Variants in ZNF600 observed in about 807,000 individuals in gnomAD.
ZNF600 encodes the protein zinc finger protein KR-ZNF1.
Under a neutral mutation model 7.3 loss-of-function variants are expected in ZNF600, and 4 were observed. The observed-to-expected ratio is 0.55, with a 90% confidence interval of 0.27 to 1.25. The LOEUF (loss-of-function observed/expected upper bound fraction) is 1.25. Ranked by LOEUF, ZNF600 falls within the 50% of genes most tolerant of loss-of-function variation. The probability of loss-of-function intolerance (pLI) is 0.12; values close to 1 mark genes in which losing one functional copy is unlikely to be tolerated. For synonymous variants in ZNF600, 290 were observed against 308.9 expected, an observed-to-expected ratio of 0.94 and a Z score of 0.64; for missense variants, 911 against 922.1, an observed-to-expected ratio of 0.99 and a Z score of 0.16.
chr19:52,818,991 G>A, the ZNF600 span, among the ~76,000 whole-genome samples: 5 of 143,542 alleles, frequency 3.5e-5, no homozygotes, highest in South Asian at 1.2e-3. Context: ...TCAGATGGGG[G>A]TGGGAGGGCA....
At chr19:52,820,662 C>T in the ZNF600 span, among the ~76,000 whole-genome samples, 1 of 146,460 alleles carries the variant, frequency 6.8e-6, no homozygotes, top group African/African-American at 2.5e-5. Context: ...TCCTCCTCTC[C>T]CTCACTCTGA....
the ZNF600 span, among the ~76,000 whole-genome samples, chr19:52,809,605 A>T: frequency 6.6e-6 from 1 of 152,206 alleles, no homozygotes. Context: ...CAAGAGTTCA[A>T]GACCAGCATG....
chr19:52,817,125 C>A, the ZNF600 span, among the ~76,000 whole-genome samples: 1 of 152,142 alleles, frequency 6.6e-6, no homozygotes, highest in African/African-American at 2.4e-5. Context: ...GTAATCCCAG[C>A]ACTTTAGGAA....
intron 2 of ZNF600, among the ~76,000 whole-genome samples, chr19:52,775,898 C>T (rs1312700347): frequency 6.6e-6 from 1 of 151,732 alleles, no homozygotes; most frequent in South Asian, 2.1e-4. Context: ...CCCCAATACT[C>T]GGGAGGCTGA....
chr19:52,830,839 T>C, the ZNF600 span, among the ~76,000 whole-genome samples: 1 of 145,698 alleles, frequency 6.9e-6, no homozygotes, highest in African/African-American at 2.7e-5. Flanking sequence ...CAGGAAGTAA[T>C]GGGCATGTAG....
chr19:52,774,459 A>AG (rs2062656323), intron 3 of ZNF600, 116 bp downstream of exon 5: 1 of 268,030 alleles, frequency 3.7e-6, no homozygotes, highest in Non-Finnish European at 4.6e-6. Flanking sequence ...AAAAACAACC[A>AG]AAAAAAAAAA....
At chr19:52,771,250 G>A (rs1006463899) in intron 3 of ZNF600, among the ~76,000 whole-genome samples, 10 of 152,166 alleles carry the variant, frequency 6.6e-5, no homozygotes, top group Non-Finnish European at 2.9e-5. Context: ...GCTCTCACCA[G>A]GAGCCAATCT....
At chr19:52,765,510 G>T in exon 4 of ZNF600, 12 of 1,603,862 alleles carry the variant, frequency 7.5e-6, no homozygotes, top group South Asian at 1.1e-5. Context: ...ACACTTGTTA[G>T]ATCTTTATTC....
At chr19:52,767,291 T>C (rs768141545) in exon 4 of ZNF600, 6 of 1,614,108 alleles carry the variant, frequency 3.7e-6, no homozygotes, top group South Asian at 2.2e-5. Flanking sequence ...CTCTCATGTA[T>C]ACTTCCTGTT....
intron 2 of ZNF600, among the ~76,000 whole-genome samples, chr19:52,776,176 A>G (rs1166664426): frequency 1.3e-5 from 2 of 150,268 alleles, no homozygotes; most frequent in African/African-American, 2.5e-5. Flanking sequence ...CACACATACT[A>G]GGAAAATTAC....
the ZNF600 span, chr19:52,801,777 AC>A: frequency 2.3e-5 from 31 of 1,344,062 alleles, no homozygotes; most frequent in Non-Finnish European, 3.0e-5. Context: ...TAAATATGAC[AC>A]AAAAAACAAT....
intron 2 of ZNF600, among the ~76,000 whole-genome samples, chr19:52,775,241 A>AAAAAC (rs931688249): frequency 8.6e-5 from 13 of 151,968 alleles, no homozygotes; most frequent in African/African-American, 9.7e-5. Flanking sequence ...CTCCATCTCA[A>AAAAAC]AAAACAAAAC....
chr19:52,790,509 T>G (rs2062788452), upstream of ZNF600, among the ~76,000 whole-genome samples: 1 of 151,838 alleles, frequency 6.6e-6, no homozygotes, highest in Non-Finnish European at 1.5e-5. Flanking sequence ...AATAAATAAA[T>G]AAATAAATAA....
the ZNF600 span, among the ~76,000 whole-genome samples, chr19:52,802,683 AG>A: frequency 6.6e-6 from 1 of 152,194 alleles, no homozygotes; most frequent in Non-Finnish European, 1.5e-5. Context: ...TCTCAAAAAA[AG>A]GAAAATGTTA....
the ZNF600 span, among the ~76,000 whole-genome samples, chr19:52,813,474 G>T: frequency 8.3e-6 from 1 of 121,098 alleles, no homozygotes; most frequent in South Asian, 3.2e-4. Flanking sequence ...CAGGGTAGGC[G>T]GGCGGGGGTG....
chr19:52,794,112 T>C, the ZNF600 span, among the ~76,000 whole-genome samples: 7 of 151,708 alleles, frequency 4.6e-5, no homozygotes, highest in African/African-American at 1.7e-4. Context: ...TAGAGCTCAG[T>C]GGAGAGGCCT....
At chr19:52,782,223 C>A (rs1051769659) in intron 1 of ZNF600, among the ~76,000 whole-genome samples, 5 of 151,750 alleles carry the variant, frequency 3.3e-5, no homozygotes, top group African/African-American at 1.2e-4. Context: ...AAGAGTGTCT[C>A]AAAAAAATAA....
chr19:52,770,159 T>C (rs2062619851), intron 3 of ZNF600, among the ~76,000 whole-genome samples: 1 of 152,268 alleles, frequency 6.6e-6, no homozygotes, highest in South Asian at 2.1e-4. Context: ...AATTGACTAA[T>C]GGCTGGTAAC....
At chr19:52,793,811 CACACACAA>C in the ZNF600 span, among the ~76,000 whole-genome samples, 2 of 111,900 alleles carry the variant, frequency 1.8e-5, no homozygotes, top group Non-Finnish European at 1.9e-5. Context: ...CACACACACA[CACACACAA>C]AAGTGATGTA....
Sources: allele counts gnomAD v4.1 joint callset (sites outside exome capture counted in the v4.1 genomes callset), GRCh38; gene constraint gnomAD v4.1.1; transcripts MANE v1.5; gene names NCBI Gene and HGNC (gene_info 2026-07-23, HGNC 2026-07-21).